Variants in VCF1 observed in about 807,000 individuals in gnomAD.
VCF1 encodes the protein VCP nuclear cofactor family member 1, also known as protein VCF1.
At chr17:73,216,214 T>C in the VCF1 span, among the ~76,000 whole-genome samples, 1 of 151,564 alleles carries the variant, frequency 6.6e-6, no homozygotes, top group Non-Finnish European at 1.5e-5. Flanking sequence ...ACTGTGGAAA[T>C]GACAAGGAAG....
chr17:73,228,076 C>T, the VCF1 span, among the ~76,000 whole-genome samples: 1 of 152,222 alleles, frequency 6.6e-6, no homozygotes, highest in Non-Finnish European at 1.5e-5. Context: ...CTAAAATTAA[C>T]CATCCAGTTC....
the VCF1 span, chr17:73,208,010 T>C: frequency 7.7e-7 from 1 of 1,306,424 alleles, no homozygotes; most frequent in South Asian, 1.6e-5. Flanking sequence ...CCAGAACAGT[T>C]TCCACTGCAG....
the VCF1 span, among the ~76,000 whole-genome samples, chr17:73,224,483 T>C: frequency 6.6e-6 from 1 of 152,006 alleles, no homozygotes; most frequent in Non-Finnish European, 1.5e-5. Flanking sequence ...TAACTTAAGT[T>C]TCAAGGAAAC....
At chr17:73,222,142 A>T in the VCF1 span, among the ~76,000 whole-genome samples, 1 of 150,798 alleles carries the variant, frequency 6.6e-6, no homozygotes, top group South Asian at 2.1e-4. Flanking sequence ...CAGCTGCAGT[A>T]AGCCATGACA....
chr17:73,212,734 G>C, the VCF1 span: 1 of 1,585,838 alleles, frequency 6.3e-7, no homozygotes, highest in Middle Eastern at 1.7e-4. Context: ...CTCATTACAG[G>C]TACTGTCTGA....
chr17:73,219,667 G>GA, the VCF1 span, among the ~76,000 whole-genome samples: 72,271 of 148,318 alleles, frequency 0.49, 17,821 homozygotes, highest in East Asian at 0.6. Context: ...AAAGAAAAAA[G>GA]AAAAAAAAAT....
At chr17:73,220,797 T>C in the VCF1 span, among the ~76,000 whole-genome samples, 1,676 of 150,952 alleles carry the variant, frequency 0.011, 87 homozygotes, top group African/African-American at 0.039. Flanking sequence ...CACACTGGTC[T>C]AAAAAATCAA....
chr17:73,215,057 C>T, the VCF1 span, among the ~76,000 whole-genome samples: 1 of 152,286 alleles, frequency 6.6e-6, no homozygotes, highest in Admixed American at 6.5e-5. Flanking sequence ...AAATAAAAAC[C>T]CCTTGCAGGT....
the VCF1 span, chr17:73,208,814 C>A: frequency 2.9e-6 from 1 of 346,588 alleles, no homozygotes; most frequent in Non-Finnish European, 5.6e-6. Context: ...TGCCATGTTT[C>A]CTACTAAAGT....
chr17:73,209,319 T>TA, the VCF1 span: 2 of 632,476 alleles, frequency 3.2e-6, no homozygotes, highest in Non-Finnish European at 2.7e-6. Flanking sequence ...AAGAATCCTA[T>TA]AAAAAATTGC....
chr17:73,225,882 A>ATATATATATATAT, the VCF1 span, among the ~76,000 whole-genome samples: 11 of 74,690 alleles, frequency 1.5e-4, no homozygotes, highest in African/African-American at 6.1e-4. Context: ...ATATATATAT[A>ATATATATATATAT]ATATATATAT....
the VCF1 span, among the ~76,000 whole-genome samples, chr17:73,228,684 T>TA: frequency 2.0e-5 from 3 of 151,010 alleles, no homozygotes; most frequent in African/African-American, 4.9e-5. Flanking sequence ...AGTTGGAGGT[T>TA]AAAAAAAAAT....
At chr17:73,207,855 C>T in the VCF1 span, 18 of 1,223,712 alleles carry the variant, frequency 1.5e-5, no homozygotes, top group African/African-American at 1.6e-5. Flanking sequence ...GTATCCTTTC[C>T]GTATTCCCTA....
chr17:73,229,563 A>G, the VCF1 span: 1 of 985,364 alleles, frequency 1.0e-6, no homozygotes, highest in Non-Finnish European at 1.2e-6. Flanking sequence ...GACTCGGCAT[A>G]GAAATAATCT....
the VCF1 span, among the ~76,000 whole-genome samples, chr17:73,223,135 T>G: frequency 6.6e-6 from 1 of 152,064 alleles, no homozygotes; most frequent in South Asian, 2.1e-4. Flanking sequence ...CTGACCAACA[T>G]GGAGAAACCT....
the VCF1 span, among the ~76,000 whole-genome samples, chr17:73,225,657 T>A: frequency 1.3e-5 from 2 of 151,714 alleles, no homozygotes; most frequent in Non-Finnish European, 2.9e-5. Context: ...ATAGAAGTAA[T>A]CTTTGCATAC....
the VCF1 span, among the ~76,000 whole-genome samples, chr17:73,222,992 A>G: frequency 6.6e-6 from 1 of 151,966 alleles, no homozygotes; most frequent in African/African-American, 2.4e-5. Flanking sequence ...CTGTGTGCCA[A>G]GTTTTCCATC....
the VCF1 span, among the ~76,000 whole-genome samples, chr17:73,226,969 C>A: frequency 2.6e-5 from 4 of 152,188 alleles, no homozygotes; most frequent in Non-Finnish European, 5.9e-5. Context: ...ACTATGTGCA[C>A]ATATGTACTG....
the VCF1 span, chr17:73,209,443 A>AT: frequency 6.7e-7 from 1 of 1,481,936 alleles, no homozygotes; most frequent in Non-Finnish European, 9.0e-7. Flanking sequence ...TTCGTGTGCA[A>AT]TTTTTCTTTT....
Sources: gnomAD v4.1 joint callset for allele counts (sites outside exome capture counted in the v4.1 genomes callset) on GRCh38, gnomAD v4.1.1 for gene constraint, MANE v1.5 for transcripts, NCBI Gene and HGNC (gene_info 2026-07-23, HGNC 2026-07-21) for gene names.